Variants in SAMD3 observed in about 807,000 individuals in gnomAD.
SAMD3 encodes sterile alpha motif domain containing 3.
A neutral mutation model predicts 58.5 loss-of-function variants in SAMD3; 63 were observed. The observed-to-expected ratio is 1.08, with a 90% CI of 0.88 to 1.33. SAMD3 has a LOEUF of 1.33. Among genes scored for constraint, SAMD3 ranks in the 40% most tolerant of loss-of-function variants. The pLI, the probability that SAMD3 is intolerant of heterozygous loss-of-function variation, is 0.00. For missense variants in SAMD3, 604 were observed against 608.4 expected (o/e 0.99, Z 0.08); for synonymous variants, 220 against 210.3 (o/e 1.05, Z -0.40).
chr6:130,244,737 CAAAAAA>C (rs869081527), intron 2 of SAMD3, among the ~76,000 whole-genome samples: 56 of 118,802 alleles, frequency 4.7e-4, no homozygotes, highest in African/African-American at 2.0e-3. Context: ...GAGCCTGTCT[CAAAAAA>C]AAAATAAAAA....
chr6:130,226,332 G>C (rs964335521), upstream of SAMD3, among the ~76,000 whole-genome samples: 1 of 152,200 alleles, frequency 6.6e-6, no homozygotes, highest in African/African-American at 2.4e-5. Flanking sequence ...TTCTGATTCA[G>C]GTGGGTAGAG....
At chr6:130,314,199 A>G (rs1348206048) in intron 1 of SAMD3, among the ~76,000 whole-genome samples, 1 of 152,202 alleles carries the variant, frequency 6.6e-6, no homozygotes, top group East Asian at 1.9e-4. Flanking sequence ...TGAAGGTACA[A>G]AAAACACTCT....
chr6:130,197,160 T>TA (rs1344379839), intron 5 of SAMD3, among the ~76,000 whole-genome samples: 1 of 152,208 alleles, frequency 6.6e-6, no homozygotes, highest in Non-Finnish European at 1.5e-5. Context: ...TGCTACAAGG[T>TA]ACAGCCCATT....
chr6:130,225,752 C>T (rs1369532466), upstream of SAMD3, among the ~76,000 whole-genome samples: 1 of 152,152 alleles, frequency 6.6e-6, no homozygotes, highest in African/African-American at 2.4e-5. Context: ...ATTAGGTCAT[C>T]CAAAAAGCTT....
chr6:130,272,156 T>G (rs1253873939), intron 2 of SAMD3, among the ~76,000 whole-genome samples: 2 of 152,230 alleles, frequency 1.3e-5, no homozygotes, highest in Non-Finnish European at 2.9e-5. Context: ...GTAAGTTATT[T>G]TTGTGAAAAG....
chr6:130,325,599 T>G (rs1273086350), intron 1 of SAMD3, among the ~76,000 whole-genome samples: 1 of 152,150 alleles, frequency 6.6e-6, no homozygotes, highest in Non-Finnish European at 1.5e-5. Flanking sequence ...TGCTCATCTC[T>G]TCTGGAAACA....
intron 6 of SAMD3, 115 bp downstream of exon 6, chr6:130,184,323 G>A (rs1280850239): frequency 1.8e-5 from 21 of 1,165,928 alleles, no homozygotes; most frequent in Non-Finnish European, 2.1e-5. Context: ...GGGCAATTGG[G>A]ACCTATTACC....
At chr6:130,261,106 A>T (rs1484605561) in intron 2 of SAMD3, among the ~76,000 whole-genome samples, 3 of 146,706 alleles carry the variant, frequency 2.0e-5, no homozygotes, top group Admixed American at 2.0e-4. Flanking sequence ...TTTGGTTTTG[A>T]CTTGGTTTGA....
chr6:130,327,983 A>C (rs1776809439), intron 1 of SAMD3, among the ~76,000 whole-genome samples: 1 of 152,196 alleles, frequency 6.6e-6, no homozygotes. Flanking sequence ...TAAAATATTA[A>C]AATATGGACC....
intron 1 of SAMD3, among the ~76,000 whole-genome samples, chr6:130,325,675 G>A (rs1776733316): frequency 6.6e-6 from 1 of 152,160 alleles, no homozygotes; most frequent in Non-Finnish European, 1.5e-5. Flanking sequence ...GCCAGTCAAG[G>A]TGACACCAAA....
chr6:130,200,628 C>G (rs866214718), intron 5 of SAMD3, among the ~76,000 whole-genome samples: 1 of 149,050 alleles, frequency 6.7e-6, no homozygotes, highest in African/African-American at 2.5e-5. Flanking sequence ...TTCAGTAGTA[C>G]TATTTTTGCA....
intron 1 of SAMD3, among the ~76,000 whole-genome samples, chr6:130,317,426 T>C (rs1436006236): frequency 1.3e-5 from 2 of 152,172 alleles, no homozygotes; most frequent in African/African-American, 2.4e-5. Flanking sequence ...TTATGATATA[T>C]GATACTATGT....
chr6:130,159,783 T>G (rs1378440292), intron 8 of SAMD3: 2 of 151,922 alleles, frequency 1.3e-5, no homozygotes, highest in Admixed American at 1.3e-4. Context: ...ATACAAAGGA[T>G]TTTTACAAGT....
At chr6:130,154,582 T>TA (rs1270044210) in intron 9 of SAMD3, among the ~76,000 whole-genome samples, 1 of 151,210 alleles carries the variant, frequency 6.6e-6, no homozygotes, top group Non-Finnish European at 1.5e-5. Context: ...TAGTCCCAGC[T>TA]ACTCAGGAGG....
intron 7 of SAMD3, among the ~76,000 whole-genome samples, chr6:130,181,847 T>A (rs929046699): frequency 7.4e-5 from 11 of 148,534 alleles, no homozygotes; most frequent in African/African-American, 1.5e-4. Flanking sequence ...AATGTAAATT[T>A]AAAAAAAAAA....
intron 8 of SAMD3, chr6:130,162,268 G>A: frequency 1.4e-6 from 1 of 701,854 alleles, no homozygotes; most frequent in Non-Finnish European, 2.6e-6. Context: ...TTTAGTTTAA[G>A]CTGACAGCTG....
intron 9 of SAMD3, among the ~76,000 whole-genome samples, chr6:130,151,639 C>T (rs1358738539): frequency 6.6e-6 from 1 of 152,070 alleles, no homozygotes; most frequent in Non-Finnish European, 1.5e-5. Flanking sequence ...CAGTGTTTCT[C>T]CACGTTGGTC....
chr6:130,231,008 TTAAATA>T (rs1796529622), intron 2 of SAMD3, among the ~76,000 whole-genome samples: 1 of 152,158 alleles, frequency 6.6e-6, no homozygotes, highest in African/African-American at 2.4e-5. Context: ...TATTAATGAC[TTAAATA>T]AGAAAATAAA....
chr6:130,239,318 A>G (rs1773274947), intron 2 of SAMD3, among the ~76,000 whole-genome samples: 1 of 152,214 alleles, frequency 6.6e-6, no homozygotes, highest in African/African-American at 2.4e-5. Context: ...GCGAAAGATG[A>G]GTAAACTGTA....
Sources: gnomAD v4.1 joint callset for allele counts (sites outside exome capture counted in the v4.1 genomes callset) on GRCh38, gnomAD v4.1.1 for gene constraint, MANE v1.5 for transcripts, NCBI Gene and HGNC (gene_info 2026-07-23, HGNC 2026-07-21) for gene names.